The following VAPA variants were observed in gnomAD, a reference collection of about 807,000 sequenced individuals.
VAPA encodes vesicle-associated membrane protein-associated protein A.
VAPA carries 6 observed loss-of-function variants against 25.6 expected under a neutral mutation model. The ratio of observed to expected loss-of-function variants is 0.23; its 90% CI spans 0.13 to 0.46. VAPA has a LOEUF of 0.46. Among genes scored for constraint, VAPA ranks in the 20% least tolerant of loss-of-function variants. The pLI is 0.99. For missense variants in VAPA, 244 were observed against 302.1 expected, an observed-to-expected ratio of 0.81 and a Z score of 1.43; for synonymous variants, 112 against 106.2, an observed-to-expected ratio of 1.05 and a Z score of -0.34.
chr18:9,937,282 A>C (rs2069321362), intron 4 of VAPA, among the ~76,000 whole-genome samples: 1 of 138,980 alleles, frequency 7.2e-6, no homozygotes, highest in Non-Finnish European at 1.5e-5. Context: ...ACTCACTTTT[A>C]GGTCAAGACT....
At chr18:9,945,895 T>A (rs1411105983) in intron 4 of VAPA, among the ~76,000 whole-genome samples, 1 of 152,216 alleles carries the variant, frequency 6.6e-6, no homozygotes, top group African/African-American at 2.4e-5. Flanking sequence ...ATTCATAGGT[T>A]AAGACCTTAA....
intron 1 of VAPA, among the ~76,000 whole-genome samples, chr18:9,926,986 C>T (rs1221057987): frequency 6.6e-6 from 1 of 152,072 alleles, no homozygotes; most frequent in Non-Finnish European, 1.5e-5. Context: ...TGTTCATGTG[C>T]ATTGTCTGTT....
In VAPA at chr18:9,929,583, G is replaced by T. The variant is rs530524682; in HGVS notation, c.80-2227G>T. 5.3e-5 allele frequency among the ~76,000 whole-genome samples: 8 copies of T among 152,198 alleles called. No homozygotes were observed. In the South Asian group the frequency reaches 1.7e-3, roughly 32 times the overall value. ...ATGAGGTGGGATATGGCTTTCGTCA[G>T]GTTCTTAAAGGATTCTGTGACTCAC... is the stretch of plus-strand genomic sequence containing the variant. On this transcript the variant is annotated intron_variant, in intron 1 of 5. Coordinates refer to ENST00000400000, the MANE Select transcript of VAPA (RefSeq NM_194434.3).
intron 5 of VAPA, among the ~76,000 whole-genome samples, chr18:9,953,632 A>G (rs894269286): frequency 6.6e-6 from 1 of 152,146 alleles, no homozygotes; most frequent in African/African-American, 2.4e-5. Flanking sequence ...GCTAGGACGG[A>G]TGTAACTGAT....
chr18:9,920,094 C>T (rs968606515), intron 1 of VAPA, among the ~76,000 whole-genome samples: 8 of 151,806 alleles, frequency 5.3e-5, no homozygotes, highest in African/African-American at 9.7e-5. Context: ...TGGATGAGGA[C>T]GAAATGCATC....
At chr18:9,914,361 G>T (rs750115987) in intron 1 of VAPA, 26 bp downstream of exon 1, 1 of 1,554,464 alleles carries the variant, frequency 6.4e-7, no homozygotes, top group South Asian at 1.2e-5. Flanking sequence ...ACACCCCCGG[G>T]TGGGGTGGGG....
At chr18:9,954,026 C>T in intron 5 of VAPA, 27 bp from the exon 6 acceptor site, 3 of 1,612,306 alleles carry the variant, frequency 1.9e-6, no homozygotes, top group Non-Finnish European at 2.5e-6. Flanking sequence ...TTTTTAAAAA[C>T]CTTTTGTGTG....
chr18:9,958,184 A>G lies in VAPA; in HGVS notation c.*3973A>G, dbSNP rs537205252. On this transcript the variant is annotated 3_prime_UTR_variant, in exon 6 of 6. Transcript: ENST00000400000. ...AATCACTAATTATAAGTTGTATCCT[A>G]TTTTTTTCCAGCTTAATTTCTGTGG... is the stretch of plus-strand genomic sequence containing the variant. 1 of 152,222 alleles carries G rather than the reference A, an allele frequency of 6.6e-6. No homozygotes were observed. Among genetic ancestry groups the G allele is most frequent in the African/African-American group, 2.4e-5 (1 of 41,524 alleles). The allele number at this position is 152,222 out of a possible 1,614,324, so 9.4% of individuals were successfully genotyped here.
intron 1 of VAPA, chr18:9,924,964 A>ATT (rs2069188134): frequency 1.3e-5 from 2 of 152,134 alleles, no homozygotes; most frequent in Non-Finnish European, 2.9e-5. Context: ...CTGCCAAAAG[A>ATT]ATGGAAAGAA....
At chr18:9,945,916 C>T (rs571853408) in intron 4 of VAPA, among the ~76,000 whole-genome samples, 1 of 152,230 alleles carries the variant, frequency 6.6e-6, no homozygotes, top group South Asian at 2.1e-4. Context: ...TTTTGCCTCT[C>T]TCGGTTTATG....
intron 4 of VAPA, among the ~76,000 whole-genome samples, chr18:9,942,094 C>T (rs967386516): frequency 8.6e-4 from 131 of 152,288 alleles, no homozygotes; most frequent in African/African-American, 3.0e-3. Flanking sequence ...ACGTAGAACT[C>T]TGTGGATGGC....
chr18:9,922,545 A>G (rs1013683707), intron 1 of VAPA, among the ~76,000 whole-genome samples: 4 of 152,140 alleles, frequency 2.6e-5, no homozygotes, highest in Non-Finnish European at 5.9e-5. Context: ...TATAATCTAG[A>G]TTCAAGGCCA....
chr18:9,939,516 CTCTT>C (rs2069345337), intron 4 of VAPA, among the ~76,000 whole-genome samples: 1 of 119,964 alleles, frequency 8.3e-6, no homozygotes, highest in South Asian at 2.6e-4. Context: ...TACGTTTCCT[CTCTT>C]TTTTTTTTTT....
chr18:9,938,782 T>C (rs1215329060), intron 4 of VAPA, among the ~76,000 whole-genome samples: 1 of 152,220 alleles, frequency 6.6e-6, no homozygotes, highest in Non-Finnish European at 1.5e-5. Context: ...ATTTTTAAGA[T>C]TTATTTTGAA....
rs767175347 is a variant in VAPA at position 9,914,274 on chromosome 18, G to A, written c.18G>A (p.Gly6=). The A allele has an allele frequency of 1.3e-6, 2 of 1,586,664 alleles. No individual in the cohort carries two copies. Among genetic ancestry groups the A allele is most frequent in the South Asian group, 1.1e-5 (1 of 88,878 alleles). The part of the protein sequence containing the change: MASAS[G]AMAKHEQILV... The stretch of plus-strand genomic sequence containing the variant: ...TCTCTCCGATGGCGTCCGCCTCAGG[G>A]GCCATGGCGAAGCACGAGCAGATCC... The change falls in exon 1 of 6, where the codon GGG becomes GGA. Residue 6 remains glycine, a synonymous_variant. Transcript: ENST00000400000.
chr18:9,938,430 A>G (rs2069333377), intron 4 of VAPA, among the ~76,000 whole-genome samples: 1 of 152,170 alleles, frequency 6.6e-6, no homozygotes, highest in Non-Finnish European at 1.5e-5. Context: ...TGACAGTTGA[A>G]CCTCGCCATT....
rs945595215 is a variant in VAPA, at chr18:9,914,226, G to T, written c.-31G>T. 3 of 1,560,736 alleles carry T rather than the reference G, an allele frequency of 1.9e-6. No individual in the cohort carries two copies. Among genetic ancestry groups the T allele is most frequent in the Non-Finnish European group, 2.6e-6 (3 of 1,155,762 alleles). The stretch of plus-strand genomic sequence containing the variant: ...CCCCCAGTCAGCAAACCGCCGCCGC[G>T]GGCGCGCCCCCGCTCTGCGCTGTCT... On this transcript the variant is annotated 5_prime_UTR_variant, in exon 1 of 6. Coordinates refer to ENST00000400000, the MANE Select transcript of VAPA (RefSeq NM_194434.3).
intron 1 of VAPA, among the ~76,000 whole-genome samples, chr18:9,921,303 A>C (rs570063018): frequency 6.6e-6 from 1 of 152,300 alleles, no homozygotes; most frequent in African/African-American, 2.4e-5. Flanking sequence ...CTAACCCTAA[A>C]GGTAGGTTGT....
intron 1 of VAPA, among the ~76,000 whole-genome samples, chr18:9,924,740 G>A (rs2069185810): frequency 6.6e-6 from 1 of 152,152 alleles, no homozygotes; most frequent in South Asian, 2.1e-4. Flanking sequence ...CATGACATGA[G>A]AGAAGCCTTA....
Sources: allele counts gnomAD v4.1 joint callset (sites outside exome capture counted in the v4.1 genomes callset), GRCh38; gene constraint gnomAD v4.1.1; transcripts MANE v1.5; gene names NCBI Gene and HGNC (gene_info 2026-07-23, HGNC 2026-07-21).